The following ATAD2B variants were observed in gnomAD, a reference collection of about 807,000 sequenced individuals.
ATAD2B encodes ATPase family AAA domain-containing protein 2B.
Under a neutral mutation model 167.6 loss-of-function variants are expected in ATAD2B, and 40 were observed. That is an observed-to-expected ratio of 0.24 (90% CI 0.19 to 0.31). The LOEUF is 0.31. Ranked by LOEUF, ATAD2B falls within the 10% of genes least tolerant of loss-of-function variation. The pLI is 1.00. For synonymous variants in ATAD2B, 579 were observed against 596.5 expected (o/e 0.97, Z 0.43); for missense variants, 1,242 against 1,757.2 (o/e 0.71, Z 5.24).
chr2:23,895,763 C>T, intron 2 of ATAD2B, 56 bp downstream of exon 2: 2 of 1,392,386 alleles, frequency 1.4e-6, no homozygotes, highest in South Asian at 2.9e-5. Flanking sequence ...TAATATCAGC[C>T]CTGAATCACA....
At chr2:23,681,453 C>T in the ATAD2B span, among the ~76,000 whole-genome samples, 1 of 152,126 alleles carries the variant, frequency 6.6e-6, no homozygotes, top group African/African-American at 2.4e-5. This position sits in a 1 kb window ranked among gnomAD's most constrained non-coding sequence, Gnocchi z 4.2. Context: ...ATTGCCGGGA[C>T]CTCGATTTGA....
At chr2:23,724,055 C>T in the ATAD2B span, among the ~76,000 whole-genome samples, 290 of 151,982 alleles carry the variant, frequency 1.9e-3, 3 homozygotes, top group Admixed American at 6.3e-3. Flanking sequence ...CTTGTATCTG[C>T]GGAAGTTAAA....
downstream of ATAD2B, among the ~76,000 whole-genome samples, chr2:23,745,409 G>GAAGA (rs1439531368): frequency 4.4e-4 from 50 of 112,982 alleles, no homozygotes; most frequent in Non-Finnish European, 5.3e-4. Context: ...AGGAAGGAAG[G>GAAGA]AAGGAAGGAA....
intron 15 of ATAD2B, among the ~76,000 whole-genome samples, chr2:23,825,109 A>ATTTTTTTTTT (rs70941593): frequency 2.7e-5 from 3 of 111,526 alleles, no homozygotes; most frequent in Non-Finnish European, 1.7e-5. Context: ...CATCAGGCTA[A>ATTTTTTTTTT]TTTTTTTTTT....
chr2:23,805,806 A>AAAAAAAAAC lies in ATAD2B; in HGVS notation c.2454+4509_2454+4510insGTTTTTTTT, dbSNP rs1553396417. 1.5e-4 allele frequency among the ~76,000 whole-genome samples: 22 copies of AAAAAAAAAC among 145,776 alleles called. No homozygotes were observed. The East Asian group carries it at 2.2e-3, about 15-fold the overall frequency. On this transcript the variant is annotated intron_variant, in intron 18 of 27. Transcript: ENST00000238789. Reference sequence around the variant, plus strand: ...GCATTATCAAGCTTTAAAAAAAAAAAAACAAATCTGATACTTTATTTTCAC... The same window carrying AAAAAAAAAC: ...GCATTATCAAGCTTTAAAAAAAAAAAAAAAAAAACAACAAATCTGATACTTTATTTTCAC...
At chr2:23,858,059 T>C (rs1440948428) in intron 12 of ATAD2B, among the ~76,000 whole-genome samples, 2 of 150,986 alleles carry the variant, frequency 1.3e-5, no homozygotes, top group Non-Finnish European at 3.0e-5. Flanking sequence ...GAGTATTTTT[T>C]AAACACGCAT....
chr2:23,743,219 G>T, the ATAD2B span, among the ~76,000 whole-genome samples: 1 of 151,852 alleles, frequency 6.6e-6, no homozygotes, highest in Non-Finnish European at 1.5e-5. Context: ...TGTTCCAGGA[G>T]AAATTTTCTC....
chr2:23,787,532 C>G (rs1048051455), intron 20 of ATAD2B, among the ~76,000 whole-genome samples: 7 of 151,864 alleles, frequency 4.6e-5, no homozygotes, highest in Non-Finnish European at 7.4e-5. Flanking sequence ...ATAACTACAG[C>G]AATTTGACAG....
chr2:23,857,298 G>T, intron 13 of ATAD2B, 117 bp downstream of exon 13: 1 of 569,276 alleles, frequency 1.8e-6, no homozygotes, highest in South Asian at 2.5e-5. Context: ...AGTCCTCACA[G>T]ACACAGATTG....
intron 8 of ATAD2B, chr2:23,872,478 C>A (rs1696147593): frequency 1.3e-6 from 1 of 749,472 alleles, no homozygotes; most frequent in African/African-American, 1.7e-5. Flanking sequence ...CCCATTTCCC[C>A]TCTTTTACCA....
At chr2:23,832,555 G>A (rs1275601246) in intron 14 of ATAD2B, 5 of 165,894 alleles carry the variant, frequency 3.0e-5, no homozygotes, top group East Asian at 1.8e-4. Flanking sequence ...AGCCACATAC[G>A]GCTAGTGTCT....
intron 13 of ATAD2B, among the ~76,000 whole-genome samples, chr2:23,840,489 G>A (rs1347212663): frequency 1.3e-5 from 2 of 151,762 alleles, no homozygotes; most frequent in Non-Finnish European, 2.9e-5. Context: ...TACGATTTTT[G>A]TCTTTACAAC....
chr2:23,890,897 T>G (rs1000376906), intron 2 of ATAD2B, among the ~76,000 whole-genome samples: 1 of 152,234 alleles, frequency 6.6e-6, no homozygotes, highest in Non-Finnish European at 1.5e-5. Context: ...AAACTTGTTC[T>G]TCAATTGATC....
intron 1 of ATAD2B, among the ~76,000 whole-genome samples, chr2:23,916,355 A>C (rs1454852772): frequency 6.6e-6 from 1 of 152,246 alleles, no homozygotes. Flanking sequence ...TTAATTTTCC[A>C]CATTTCTCTG....
Position 23,751,631 on chromosome 2 carries a change from A to C in ATAD2B, c.*415T>G, listed in dbSNP as rs1260688038. ...TTAAAGGGGTAAAATGGAGGAAAAA[A>C]AAATAACAAGTTGCCCACTGTTTAA... On this transcript the variant is annotated 3_prime_UTR_variant, in exon 28 of 28. Coordinates refer to ENST00000238789, the MANE Select transcript of ATAD2B (RefSeq NM_017552.4). 1 of 165,640 alleles carries C rather than the reference A, an allele frequency of 6.0e-6. No homozygotes were observed. The highest frequency in any genetic ancestry group is 2.4e-5 in the African/African-American group (1 of 41,636). The allele number at this position is 165,640 out of a possible 1,614,324, so 10.3% of individuals were successfully genotyped here.
chr2:23,713,745 C>A, the ATAD2B span, among the ~76,000 whole-genome samples: 1 of 152,208 alleles, frequency 6.6e-6, no homozygotes, highest in Non-Finnish European at 1.5e-5. Context: ...TGTGTCAGCA[C>A]TTCATTCTTT....
At chr2:23,770,499 T>C (rs952607901) in intron 22 of ATAD2B, among the ~76,000 whole-genome samples, 3 of 152,234 alleles carry the variant, frequency 2.0e-5, no homozygotes, top group Admixed American at 1.3e-4. Context: ...TTTTAAGTTC[T>C]TGTATACAGG....
At chr2:23,718,745 G>A in the ATAD2B span, among the ~76,000 whole-genome samples, 2 of 152,194 alleles carry the variant, frequency 1.3e-5, no homozygotes, top group South Asian at 2.1e-4. Context: ...GGTGTTGGCC[G>A]ACCCGTGTTC....
intron 20 of ATAD2B, 35 bp downstream of exon 20, chr2:23,788,477 C>T: frequency 6.2e-7 from 1 of 1,602,504 alleles, no homozygotes; most frequent in Non-Finnish European, 8.5e-7. Context: ...TTAACTCCAT[C>T]CCTCCCATTT....
Sources: gnomAD v4.1 joint callset for allele counts (sites outside exome capture counted in the v4.1 genomes callset) on GRCh38, gnomAD v4.1.1 for gene constraint, Gnocchi (gnomAD v3.1) non-coding constraint, MANE v1.5 for transcripts, NCBI Gene and HGNC (gene_info 2026-07-23, HGNC 2026-07-21) for gene names.